Variants in EPM2A observed in about 807,000 individuals in gnomAD.
The protein encoded by EPM2A is laforin.
EPM2A carries 21 observed loss-of-function variants against 26.5 expected under a neutral mutation model. The ratio of observed to expected loss-of-function variants is 0.79; its 90% CI spans 0.56 to 1.14. EPM2A has a LOEUF of 1.14. EPM2A is among the 50% of genes most tolerant of loss of function. The pLI, the probability that EPM2A is intolerant of heterozygous loss-of-function variation, is 0.00. For synonymous variants in EPM2A, 217 were observed against 177.6 expected (o/e 1.22, Z -1.76); for missense variants, 458 against 440.8 (o/e 1.04, Z -0.35).
At chr6:145,620,999 C>T (rs116340388), downstream of EPM2A, among the ~76,000 whole-genome samples, 50 of 152,226 alleles carry the variant, frequency 3.3e-4, no homozygotes, top group African/African-American at 1.2e-3. Context: ...GTATACAATA[C>T]ATTATTATTG....
At chr6:145,453,582 A>G (rs1364764754) in intron 4 of EPM2A, among the ~76,000 whole-genome samples, 1 of 152,186 alleles carries the variant, frequency 6.6e-6, no homozygotes, top group Non-Finnish European at 1.5e-5. Flanking sequence ...GCAGCTGTGC[A>G]AAGATTAGAT....
chr6:145,556,272 T>C (rs754805778), intron 2 of EPM2A, among the ~76,000 whole-genome samples: 1 of 152,138 alleles, frequency 6.6e-6, no homozygotes, highest in Non-Finnish European at 1.5e-5. Context: ...CTTCAATTCA[T>C]CTAGTGGGAA....
At chr6:145,649,828 T>A (rs1297254775) in intron 2 of EPM2A, among the ~76,000 whole-genome samples, 2 of 152,224 alleles carry the variant, frequency 1.3e-5, no homozygotes, top group African/African-American at 4.8e-5. Flanking sequence ...CTAGAAAGCC[T>A]AAAATATATA....
At chr6:145,425,363 C>A (rs932761259) in intron 4 of EPM2A, among the ~76,000 whole-genome samples, 1 of 151,962 alleles carries the variant, frequency 6.6e-6, no homozygotes, top group African/African-American at 2.4e-5. Flanking sequence ...TTAGTAGATA[C>A]AGGGTTTCGC....
At chr6:145,564,905 G>A (rs1020105585) in intron 2 of EPM2A, among the ~76,000 whole-genome samples, 1 of 152,048 alleles carries the variant, frequency 6.6e-6, no homozygotes, top group African/African-American at 2.4e-5. Flanking sequence ...AAATTTCCCT[G>A]ATGCTTATTT....
chr6:145,522,746 A>G (rs1780219697), intron 2 of EPM2A, among the ~76,000 whole-genome samples: 1 of 152,190 alleles, frequency 6.6e-6, no homozygotes, highest in Non-Finnish European at 1.5e-5. Context: ...GCTGCTTATT[A>G]TCTTGTGCTT....
intron 4 of EPM2A, chr6:145,490,514 CACAGTACTG>C: frequency 1.4e-6 from 1 of 719,294 alleles, no homozygotes; most frequent in South Asian, 1.4e-5. Flanking sequence ...AACTGCTTCT[CACAGTACTG>C]ACATACATAA....
chr6:145,603,567 T>C (rs943868693), intron 2 of EPM2A, among the ~76,000 whole-genome samples: 5 of 152,364 alleles, frequency 3.3e-5, no homozygotes, highest in Non-Finnish European at 5.9e-5. Context: ...AGGTGTTCAA[T>C]AAATGTTAAC....
At chr6:145,385,735 T>C (rs969853991) in intron 4 of EPM2A, among the ~76,000 whole-genome samples, 1 of 152,122 alleles carries the variant, frequency 6.6e-6, no homozygotes, top group African/African-American at 2.4e-5. Context: ...TAGCTTGAAT[T>C]TTCCCATTTC....
downstream of EPM2A, among the ~76,000 whole-genome samples, chr6:145,499,924 G>A (rs942921223): frequency 1.3e-5 from 2 of 150,398 alleles, no homozygotes; most frequent in Non-Finnish European, 3.0e-5. Flanking sequence ...CCTGGAGCAC[G>A]AAGGTGAAGG....
intron 4 of EPM2A, among the ~76,000 whole-genome samples, chr6:145,472,698 G>A (rs1779491734): frequency 6.6e-6 from 1 of 152,094 alleles, no homozygotes; most frequent in African/African-American, 2.4e-5. Flanking sequence ...GGGGAAGGAA[G>A]AATGACAAGA....
intron 2 of EPM2A, among the ~76,000 whole-genome samples, chr6:145,673,108 G>C (rs1169629271): frequency 1.3e-5 from 2 of 151,342 alleles, no homozygotes; most frequent in Non-Finnish European, 2.9e-5. Context: ...CAATGTCAGG[G>C]AAAGAAATTT....
intron 2 of EPM2A, among the ~76,000 whole-genome samples, chr6:145,576,211 A>G (rs986899183): frequency 1.3e-5 from 2 of 152,180 alleles, no homozygotes; most frequent in Non-Finnish European, 2.9e-5. Flanking sequence ...CTAAAATTAC[A>G]ATTCTAGAAT....
chr6:145,533,974 G>C lies in EPM2A; in HGVS notation c.341-31399C>G, dbSNP rs973125320. On this transcript the variant is annotated intron_variant, in intron 2 of 3. Transcript: ENST00000450221. ...ATTTGAGAAACACATAATGGTTGCT[G>C]AATGAATAAAGATAGTTCTGAAAGC... Among the ~76,000 whole-genome samples the C allele has an allele frequency of 2.6e-5, 4 of 152,094 alleles. No homozygotes were observed. The East Asian group carries it at 7.7e-4, about 29-fold the overall frequency.
Position 145,680,518 on chromosome 6 carries a change from T to C in EPM2A, c.476+5604A>G, listed in dbSNP as rs575604680. Among the ~76,000 whole-genome samples the C allele has an allele frequency of 4.3e-3, 658 of 152,122 alleles. 6 individuals are homozygous for C. The highest frequency in any genetic ancestry group is 0.014 in the African/African-American group (570 of 41,470). ...AACTCGTCATTTAGCATTAGGTGTA[T>C]CTCCTAAAGCTATCCCTCCCCACTC... On this transcript the variant is annotated intron_variant, in intron 2 of 3. Coordinates refer to ENST00000367519, the MANE Select transcript of EPM2A (RefSeq NM_005670.4).
chr6:145,449,823 G>C (rs1582764525), intron 4 of EPM2A, among the ~76,000 whole-genome samples: 2 of 151,184 alleles, frequency 1.3e-5, no homozygotes, highest in Non-Finnish European at 2.9e-5. Context: ...ATTTCTAAGA[G>C]AGAAAAAGCC....
chr6:145,571,117 T>C (rs1042855819), intron 2 of EPM2A, among the ~76,000 whole-genome samples: 8 of 152,214 alleles, frequency 5.3e-5, no homozygotes, highest in African/African-American at 1.7e-4. Context: ...CTAGTGGTGA[T>C]GGTGAGTGGT....
At chr6:145,576,726 G>A (rs564767954) in intron 2 of EPM2A, among the ~76,000 whole-genome samples, 15 of 152,008 alleles carry the variant, frequency 9.9e-5, no homozygotes, top group Non-Finnish European at 2.1e-4. Context: ...GTAAAAGTAA[G>A]TACACAAAGA....
chr6:145,574,596 C>T (rs1781004345), intron 2 of EPM2A, among the ~76,000 whole-genome samples: 1 of 152,146 alleles, frequency 6.6e-6, no homozygotes, highest in Admixed American at 6.5e-5. Context: ...CTGGACCCTC[C>T]CAGCTGGGAT....
Sources: gnomAD v4.1 joint callset for allele counts (sites outside exome capture counted in the v4.1 genomes callset) on GRCh38, gnomAD v4.1.1 for gene constraint, MANE v1.5 for transcripts, NCBI Gene and HGNC (gene_info 2026-07-23, HGNC 2026-07-21) for gene names.